KDM4C: variants seen among roughly 807,000 people sequenced by gnomAD.
KDM4C encodes lysine demethylase 4C, also known as lysine-specific demethylase 4C.
In KDM4C, 81 loss-of-function variants were observed where a neutral mutation model predicts 129.3. The ratio of observed to expected loss-of-function variants is 0.63; its 90% CI spans 0.52 to 0.75. The LOEUF is 0.75. Among genes scored for constraint, KDM4C ranks in the 30% least tolerant of loss-of-function variants. The probability of loss-of-function intolerance (pLI) is 0.00; values close to 1 mark genes in which losing one functional copy is unlikely to be tolerated. For synonymous variants in KDM4C, 573 were observed against 456.1 expected, an observed-to-expected ratio of 1.26 and a Z score of -3.26; for missense variants, 1,457 against 1,304.0, an observed-to-expected ratio of 1.12 and a Z score of -1.81.
chr9:6,799,710 G>A (rs1481643869), intron 2 of KDM4C, among the ~76,000 whole-genome samples: 4 of 149,264 alleles, frequency 2.7e-5, no homozygotes, highest in Non-Finnish European at 5.9e-5. Context: ...TTTTGATTGT[G>A]GATATCTTTA....
At chr9:7,171,771 C>A (rs1187324739) in intron 21 of KDM4C, among the ~76,000 whole-genome samples, 2 of 151,980 alleles carry the variant, frequency 1.3e-5, no homozygotes, top group Non-Finnish European at 2.9e-5. Flanking sequence ...CCTGGATTTT[C>A]TAAGGTCTAT....
At chr9:7,106,340 T>G (rs1282966153) in intron 18 of KDM4C, among the ~76,000 whole-genome samples, 1 of 152,242 alleles carries the variant, frequency 6.6e-6, no homozygotes. Flanking sequence ...AACTGTAGTT[T>G]GTCTGTGTTC....
At chr9:6,793,888 A>T (rs1033194940) in intron 2 of KDM4C, among the ~76,000 whole-genome samples, 3 of 152,088 alleles carry the variant, frequency 2.0e-5, no homozygotes, top group African/African-American at 7.2e-5. Flanking sequence ...ATCATATAAT[A>T]ATATTGTATA....
At chr9:6,953,620 G>A (rs978413487) in intron 8 of KDM4C, among the ~76,000 whole-genome samples, 27 of 152,174 alleles carry the variant, frequency 1.8e-4, no homozygotes, top group Non-Finnish European at 3.5e-4. Context: ...AAAAGTCTCA[G>A]TGTACCATGT....
chr9:6,797,743 C>G (rs1828025074), intron 2 of KDM4C, among the ~76,000 whole-genome samples: 1 of 152,238 alleles, frequency 6.6e-6, no homozygotes, highest in African/African-American at 2.4e-5. Flanking sequence ...AAGCACCACT[C>G]TTTCTCTTCC....
chr9:6,820,796 G>A (rs951667826), intron 4 of KDM4C, among the ~76,000 whole-genome samples: 1 of 146,842 alleles, frequency 6.8e-6, no homozygotes, highest in Non-Finnish European at 1.5e-5. Flanking sequence ...AGGTATACAT[G>A]TGCCATGTTG....
intron 12 of KDM4C, among the ~76,000 whole-genome samples, chr9:7,007,439 C>G (rs1821883747): frequency 6.6e-6 from 1 of 152,158 alleles, no homozygotes; most frequent in South Asian, 2.1e-4. Flanking sequence ...TGCAGACATT[C>G]TTGAAAGAAC....
At chr9:6,978,848 C>T (rs1246686505) in intron 8 of KDM4C, 3 of 152,166 alleles carry the variant, frequency 2.0e-5, no homozygotes, top group Non-Finnish European at 2.9e-5. Flanking sequence ...CCTCCAGTCT[C>T]GGAGCACACT....
upstream of KDM4C, among the ~76,000 whole-genome samples, chr9:6,755,834 G>C (rs1818235363): frequency 6.6e-6 from 1 of 152,164 alleles, no homozygotes; most frequent in Non-Finnish European, 1.5e-5. Flanking sequence ...TGATTTTCTA[G>C]TAGGCTCTCT....
intron 17 of KDM4C, among the ~76,000 whole-genome samples, chr9:7,080,625 T>C (rs1309973982): frequency 1.3e-5 from 2 of 152,230 alleles, no homozygotes; most frequent in African/African-American, 4.8e-5. Context: ...TGCCTTTGTC[T>C]ATTGGGTTTT....
chr9:7,117,801 C>G (rs1188801141), intron 18 of KDM4C, among the ~76,000 whole-genome samples: 2 of 152,144 alleles, frequency 1.3e-5, no homozygotes, highest in Non-Finnish European at 2.9e-5. Context: ...TCTGGGAACT[C>G]ACTGATTCTC....
rs1244027976 is a variant in KDM4C at position 6,778,338 on chromosome 9, C to G, written c.-17-14634C>G. 2.6e-5 allele frequency among the ~76,000 whole-genome samples: 4 copies of G among 151,558 alleles called. No homozygotes were observed. The East Asian group carries it at 7.9e-4, about 30-fold the overall frequency. On this transcript the variant is annotated intron_variant, in intron 1 of 21. Transcript: ENST00000381309. ...CTCCTGACCTTAGGTGATCCTCCCG[C>G]TTGGGCCTCCCAAAGTCCTGGGATT... is the stretch of plus-strand genomic sequence containing the variant.
rs574363527 is a variant in KDM4C at position 7,171,602 on chromosome 9, A to G, written c.2994+1712A>G. On this transcript the variant is annotated intron_variant, in intron 21 of 21. Coordinates refer to ENST00000381309, the MANE Select transcript of KDM4C (RefSeq NM_015061.6). Reference sequence around the variant, plus strand: ...TTTTCTAATCGATGTATGACTAAGCATCCTACCAGCTGAGTCTTGTAGATT... The same window carrying G: ...TTTTCTAATCGATGTATGACTAAGCGTCCTACCAGCTGAGTCTTGTAGATT... Among the ~76,000 whole-genome samples the G allele has an allele frequency of 6.0e-4, 91 of 152,280 alleles. 1 individual carries two copies. In the South Asian group the frequency reaches 0.012, roughly 21 times the overall value.
intron 19 of KDM4C, among the ~76,000 whole-genome samples, chr9:7,144,095 CTTTTTGTTTTT>C (rs898837924): frequency 6.6e-6 from 1 of 151,634 alleles, no homozygotes; most frequent in African/African-American, 2.4e-5. Flanking sequence ...CATTACTCCT[CTTTTTGTTTTT>C]TTTTTGTTTT....
intron 9 of KDM4C, 39 bp from the exon 10 acceptor site, chr9:6,984,127 C>A: frequency 1.5e-6 from 2 of 1,328,772 alleles, no homozygotes; most frequent in Non-Finnish European, 2.1e-6. Context: ...ATATCCATTG[C>A]AGACATCCCG....
At chr9:6,746,478 A>G (rs957556498) in intron 1 of KDM4C, among the ~76,000 whole-genome samples, 9 of 148,168 alleles carry the variant, frequency 6.1e-5, no homozygotes, top group African/African-American at 1.2e-4. Context: ...CGTGTTAGCC[A>G]GGATGGTCTG....
Position 7,013,950 on chromosome 9 carries a change from G to A in KDM4C, c.2131G>A (p.Gly711Arg). 6.2e-7 allele frequency: 1 copy of A among 1,613,998 alleles called. No homozygotes were observed. The highest frequency in any genetic ancestry group is 1.7e-5 in the Admixed American group (1 of 60,026). ...ACCCAATGCCTTCCTTGAAGAGGAT[G>A]GAACAAGTCTCCTTATTTCCTGTGC... The part of the protein sequence containing the change: ...SPPNAFLEED[G>R]TSLLISCAKC... The change falls in exon 14 of 22, where the codon GGA becomes AGA. Residue 711 changes from glycine to arginine, a missense_variant. Physicochemically the swap from Gly to Arg is moderately radical, Grantham distance 125. Transcript: ENST00000381309.
upstream of KDM4C, among the ~76,000 whole-genome samples, chr9:6,753,166 G>C (rs1818131579): frequency 6.6e-6 from 1 of 152,210 alleles, no homozygotes; most frequent in African/African-American, 2.4e-5. Context: ...GCCATGATAA[G>C]CTCACCTAGA....
At chr9:7,170,993 T>A (rs1844905469) in intron 21 of KDM4C, 1 of 163,404 alleles carries the variant, frequency 6.1e-6, no homozygotes, top group Admixed American at 6.6e-5. Flanking sequence ...TTTGGCCGCG[T>A]TAAAGCCATC....
Sources: gnomAD v4.1 joint callset for allele counts (sites outside exome capture counted in the v4.1 genomes callset) on GRCh38, gnomAD v4.1.1 for gene constraint, MANE v1.5 for transcripts, NCBI Gene and HGNC (gene_info 2026-07-23, HGNC 2026-07-21) for gene names.